Variants in GHRH observed in about 807,000 individuals in gnomAD.
GHRH encodes the protein growth hormone releasing hormone.
GHRH carries 7 observed loss-of-function variants against 15.6 expected under a neutral mutation model. The ratio of observed to expected loss-of-function variants is 0.45; its 90% CI spans 0.26 to 0.84. GHRH has a LOEUF of 0.84. Among genes scored for constraint, GHRH ranks in the 40% least tolerant of loss-of-function variants. GHRH has a pLI of 0.18. For synonymous variants in GHRH, 54 were observed against 50.4 expected, an observed-to-expected ratio of 1.07 and a Z score of -0.30; for missense variants, 117 against 138.0, an observed-to-expected ratio of 0.85 and a Z score of 0.76.
intron 4 of GHRH, among the ~76,000 whole-genome samples, chr20:37,253,031 T>TCAA (rs1026487688): frequency 1.3e-5 from 2 of 152,146 alleles, no homozygotes; most frequent in East Asian, 1.9e-4. Flanking sequence ...AAACTCCATC[T>TCAA]CAACAACAAC....
At chr20:37,255,654 C>T (rs1164218939) in intron 3 of GHRH, among the ~76,000 whole-genome samples, 1 of 110,000 alleles carries the variant, frequency 9.1e-6, no homozygotes, top group Non-Finnish European at 1.7e-5. Context: ...GAGAGAGACT[C>T]CATCTCAAAA....
chr20:37,251,310 C>G, intron 4 of GHRH, 79 bp from the exon 5 acceptor site: 4 of 1,175,208 alleles, frequency 3.4e-6, no homozygotes, highest in Non-Finnish European at 4.9e-6. Context: ...ACCAGGGTGA[C>G]GGGTGCTCCC....
intron 1 of GHRH, among the ~76,000 whole-genome samples, chr20:37,259,909 C>T (rs1185028729): frequency 2.0e-4 from 30 of 152,204 alleles, no homozygotes; most frequent in Admixed American, 2.0e-3. Flanking sequence ...TCCCCATTCA[C>T]AGGGATCCTC....
chr20:37,257,357 T>C (rs533867959), intron 1 of GHRH, among the ~76,000 whole-genome samples: 1 of 151,764 alleles, frequency 6.6e-6, no homozygotes, highest in Admixed American at 6.6e-5. Flanking sequence ...TCTACTAACA[T>C]TACAAAAATA....
At chr20:37,259,322 G>A (rs2068675819) in intron 1 of GHRH, among the ~76,000 whole-genome samples, 2 of 151,998 alleles carry the variant, frequency 1.3e-5, no homozygotes, top group African/African-American at 2.4e-5. Flanking sequence ...CCTCCTCATC[G>A]CACCATACCA....
intron 4 of GHRH, among the ~76,000 whole-genome samples, chr20:37,251,986 C>T (rs1211610384): frequency 6.6e-6 from 1 of 152,198 alleles, no homozygotes; most frequent in Non-Finnish European, 1.5e-5. Flanking sequence ...GCTTTTAACT[C>T]GCGGGAACAA....
At chr20:37,252,112 T>G (rs780944972) in intron 4 of GHRH, among the ~76,000 whole-genome samples, 1 of 152,214 alleles carries the variant, frequency 6.6e-6, no homozygotes, top group Non-Finnish European at 1.5e-5. Context: ...AGAGGAGGCC[T>G]TCTTCTTAGA....
At chr20:37,255,237 A>G (rs537451727) in intron 3 of GHRH, among the ~76,000 whole-genome samples, 4 of 152,344 alleles carry the variant, frequency 2.6e-5, no homozygotes, top group South Asian at 2.1e-4. Flanking sequence ...ATGGAAGTCC[A>G]TTGTGCTTTT....
intron 1 of GHRH, 26 bp from the exon 2 acceptor site, chr20:37,256,934 C>A: frequency 7.2e-7 from 1 of 1,379,438 alleles, no homozygotes; most frequent in South Asian, 1.2e-5. Flanking sequence ...AGGGGAAGGT[C>A]AGGTACAGCC....
chr20:37,260,523 T>G (rs541353873), intron 1 of GHRH, among the ~76,000 whole-genome samples: 1 of 152,270 alleles, frequency 6.6e-6, no homozygotes, highest in African/African-American at 2.4e-5. Flanking sequence ...AGGTTAAGGC[T>G]GCAGTGATCC....
At chr20:37,260,412 A>C (rs555112216) in intron 1 of GHRH, among the ~76,000 whole-genome samples, 3,167 of 150,312 alleles carry the variant, frequency 0.021, 114 homozygotes, top group African/African-American at 0.072. Flanking sequence ...AAAAAAAAAC[A>C]CACAAAACAA....
At position 37,256,515 on chromosome 20, in the gene GHRH, A is replaced by G. The variant is rs2068656932; in HGVS notation, c.84-17T>C. 6.5e-7 allele frequency: 1 copy of G among 1,531,648 alleles called. No homozygotes were observed. 94.9% of individuals were successfully genotyped at this position (1,531,648 alleles called of 1,614,324 possible). ...CGCCGCATCCTGTGCGGAAGGAGTC[A>G]GGGGTCAGAGGGCGGGGTGGAGGCC... is the stretch of plus-strand genomic sequence containing the variant. On this transcript the variant is annotated splice_polypyrimidine_tract_variant and intron_variant, in intron 2 of 4. Coordinates refer to ENST00000373614, the MANE Select transcript of GHRH (RefSeq NM_021081.6).
At position 37,256,396 on chromosome 20, in the gene GHRH, C is replaced by T; in HGVS notation, c.186G>A (p.Gln62=). 2 of 1,604,760 alleles carry T rather than the reference C, an allele frequency of 1.2e-6. No individual in the cohort carries two copies. Among genetic ancestry groups the T allele is most frequent in the Non-Finnish European group, 1.7e-6 (2 of 1,172,820 alleles). Residue 62 remains glutamine (Q), a splice_region_variant and synonymous_variant, in exon 3 of 5, where the codon CAG becomes CAA. Transcript: ENST00000373614. ...KLLQDIMSRQ[Q]GESNQERGAR... ...AAATCACTAGAACTCCTGCTTACCC[C>T]TGCTGCCTGCTCATGATGTCCTGGA...
At chr20:37,260,141 A>C (rs922432611) in intron 1 of GHRH, among the ~76,000 whole-genome samples, 1 of 152,164 alleles carries the variant, frequency 6.6e-6, no homozygotes, top group Non-Finnish European at 1.5e-5. Context: ...TACCCCGCTC[A>C]TTCAAGATAA....
intron 4 of GHRH, among the ~76,000 whole-genome samples, chr20:37,253,268 GAC>G (rs2068632881): frequency 6.6e-6 from 1 of 152,174 alleles, no homozygotes; most frequent in Non-Finnish European, 1.5e-5. Flanking sequence ...GCTGGGGAAC[GAC>G]AGTCATCACG....
intron 1 of GHRH, 45 bp from the exon 2 acceptor site, chr20:37,256,953 T>G: frequency 8.3e-7 from 1 of 1,204,968 alleles, no homozygotes; most frequent in East Asian, 2.4e-5. Flanking sequence ...CCACAGCCAT[T>G]GGGATGGCCT....
At chr20:37,252,775 G>A (rs2068629286) in intron 4 of GHRH, among the ~76,000 whole-genome samples, 1 of 149,446 alleles carries the variant, frequency 6.7e-6, no homozygotes, top group Non-Finnish European at 1.5e-5. Flanking sequence ...GTGGTGGCGG[G>A]TGCCTGTAAT....
At chr20:37,255,127 A>G (rs569904290) in intron 3 of GHRH, among the ~76,000 whole-genome samples, 1 of 152,318 alleles carries the variant, frequency 6.6e-6, no homozygotes, top group East Asian at 1.9e-4. Context: ...AATGATAAGA[A>G]TACTTAATGT....
Position 37,261,810 on chromosome 20 carries a change from G to A in GHRH, c.-87C>T, listed in dbSNP as rs2068689278. 1 of 152,266 alleles carries A rather than the reference G, an allele frequency of 6.6e-6. No individual in the cohort carries two copies. 9.4% of individuals were successfully genotyped at this position (152,266 alleles called of 1,614,324 possible). A position where few individuals can be genotyped will look rare whatever the true frequency, so the allele number is the denominator to read the frequency against. On this transcript the variant is annotated 5_prime_UTR_variant, in exon 1 of 5. Transcript: ENST00000373614. ...TCCAGGGGCCCTGGGCTGGGTGTTT[G>A]CTCTGGCAGCCGCCTGGCGTTCCCA...
Sources: allele counts gnomAD v4.1 joint callset (sites outside exome capture counted in the v4.1 genomes callset), GRCh38; gene constraint gnomAD v4.1.1; transcripts MANE v1.5; gene names NCBI Gene and HGNC (gene_info 2026-07-23, HGNC 2026-07-21).